Variants in MCC observed in about 807,000 individuals in gnomAD.
The protein encoded by MCC is MCC regulator of Wnt signaling pathway, also known as colorectal mutant cancer protein.
Under a neutral mutation model 116.2 loss-of-function variants are expected in MCC, and 90 were observed. The observed-to-expected ratio is 0.77, with a 90% CI of 0.65 to 0.92. The LOEUF is 0.92. MCC is among the 40% of genes least tolerant of loss of function. MCC has a pLI of 0.00. For missense variants in MCC, 1,516 were observed against 1,312.2 expected, an observed-to-expected ratio of 1.16 and a Z score of -2.40; for synonymous variants, 578 against 510.5, an observed-to-expected ratio of 1.13 and a Z score of -1.78.
intron 17 of MCC, among the ~76,000 whole-genome samples, chr5:113,037,510 T>C (rs1204395332): frequency 1.3e-5 from 2 of 152,076 alleles, no homozygotes; most frequent in African/African-American, 4.8e-5. Context: ...CTGGGCAACA[T>C]GGTGAAATCC....
At chr5:113,247,678 C>G (rs1764628040) in intron 3 of MCC, among the ~76,000 whole-genome samples, 1 of 151,982 alleles carries the variant, frequency 6.6e-6, no homozygotes, top group Admixed American at 6.5e-5. Context: ...GGGGACCGGT[C>G]CACAGAGGGA....
Position 113,151,342 on chromosome 5 carries a change from C to T in MCC, c.708G>A (p.Arg236=), listed in dbSNP as rs1759856649. The change falls in exon 4 of 19, where the codon CGG becomes CGA. Residue 236 remains arginine, a synonymous_variant. Transcript: ENST00000408903. ...NKRLQQTERE[R]DLLEKKLAKA... is the part of the protein sequence containing the mutation. ...TGGCCAATTTCTTTTCCAGAAGGTC[C>T]CGTTCCCTCTCTGTTTGCTGGAGAC... The T allele has an allele frequency of 6.2e-7, 1 of 1,613,610 alleles. No individual in the cohort carries two copies. Among genetic ancestry groups the T allele is most frequent in the African/African-American group, 1.3e-5 (1 of 74,890 alleles).
chr5:113,165,259 C>G (rs1331971996), intron 3 of MCC, among the ~76,000 whole-genome samples: 1 of 152,200 alleles, frequency 6.6e-6, no homozygotes. Flanking sequence ...TCAAAAGCAG[C>G]CTGTCCTCCT....
At position 113,434,729 on chromosome 5, in the gene MCC, A is replaced by G. The variant is rs1770794828; in HGVS notation, c.171-49517T>C. ...TGCGGTCGATGATCTTGATCGCCAC[A>G]TTGAACTTCAGGCGCTCAGAGTAAG... On this transcript the variant is annotated intron_variant, in intron 1 of 18. Coordinates refer to ENST00000408903, the MANE Select transcript of MCC (RefSeq NM_001085377.2). The surrounding 1 kb of genome is among the most constrained non-coding windows in gnomAD (Gnocchi z 4.2). 6.2e-7 allele frequency: 1 copy of G among 1,614,114 alleles called. No homozygotes were observed. Among genetic ancestry groups the G allele is most frequent in the Non-Finnish European group, 8.5e-7 (1 of 1,179,984 alleles).
chr5:113,175,853 G>C (rs899731264), intron 3 of MCC, among the ~76,000 whole-genome samples: 2 of 151,758 alleles, frequency 1.3e-5, no homozygotes, highest in African/African-American at 2.4e-5. Context: ...AATGAGTCTG[G>C]AGACAAATTT....
At chr5:113,033,878 C>T (rs1231780268) in intron 17 of MCC, among the ~76,000 whole-genome samples, 1 of 152,108 alleles carries the variant, frequency 6.6e-6, no homozygotes, top group Non-Finnish European at 1.5e-5. Context: ...ATGACTCTAA[C>T]CGCAGAGCCA....
At chr5:113,294,314 T>C (rs772433571) in intron 3 of MCC, 15 of 1,613,440 alleles carry the variant, frequency 9.3e-6, no homozygotes, top group Admixed American at 6.7e-5. Flanking sequence ...GCTCCCGACC[T>C]CAGCTGTTTC....
chr5:113,436,925 C>G (rs1449310656), intron 1 of MCC: 1 of 152,172 alleles, frequency 6.6e-6, no homozygotes, highest in Non-Finnish European at 1.5e-5. Flanking sequence ...CCTTTTCTGA[C>G]TGAACCAATG....
At chr5:113,470,966 T>C (rs1286981133) in intron 1 of MCC, among the ~76,000 whole-genome samples, 2 of 152,248 alleles carry the variant, frequency 1.3e-5, no homozygotes, top group African/African-American at 4.8e-5. Flanking sequence ...TTCCAGTTGA[T>C]TGCATCGGCT....
At chr5:113,132,443 TACACACACACAC>T (rs140363649) in intron 5 of MCC, among the ~76,000 whole-genome samples, 15 of 36,584 alleles carry the variant, frequency 4.1e-4, no homozygotes, top group African/African-American at 5.7e-4. Context: ...TATATATATA[TACACACACACAC>T]ACACACACAC....
At chr5:113,102,347 A>G (rs76506912) in intron 7 of MCC, among the ~76,000 whole-genome samples, 4,513 of 152,358 alleles carry the variant, frequency 0.03, 121 homozygotes, top group East Asian at 0.082. Context: ...ATGAGGTTGT[A>G]AACTGCATAC....
intron 5 of MCC, among the ~76,000 whole-genome samples, chr5:113,127,817 C>A (rs1432141684): frequency 2.0e-5 from 3 of 152,118 alleles, no homozygotes; most frequent in Non-Finnish European, 4.4e-5. Context: ...TTGATAGTTT[C>A]TTTTGCTATG....
intron 1 of MCC, among the ~76,000 whole-genome samples, chr5:113,473,688 G>C (rs1020147979): frequency 1.1e-4 from 17 of 152,104 alleles, no homozygotes; most frequent in Admixed American, 3.3e-4. Context: ...TCCTAACCAA[G>C]AATTCAATGC....
chr5:113,121,424 C>A (rs907607667), intron 6 of MCC, among the ~76,000 whole-genome samples: 1 of 152,184 alleles, frequency 6.6e-6, no homozygotes, highest in Non-Finnish European at 1.5e-5. Flanking sequence ...CCCTCTCACA[C>A]CTCTGTGTCC....
chr5:113,100,466 T>TTTTC (rs1756331284), intron 8 of MCC, among the ~76,000 whole-genome samples: 1 of 123,074 alleles, frequency 8.1e-6, no homozygotes, highest in African/African-American at 3.7e-5. Context: ...ATTTTTCCCT[T>TTTTC]TTTTTTTTTT....
At chr5:113,321,765 G>A (rs1767427769) in intron 3 of MCC, among the ~76,000 whole-genome samples, 1 of 152,202 alleles carries the variant, frequency 6.6e-6, no homozygotes, top group African/African-American at 2.4e-5. Context: ...AAATCCCAGA[G>A]AGCTGGTTAA....
chr5:113,348,786 GATAA>G (rs766954563), intron 2 of MCC, among the ~76,000 whole-genome samples: 52 of 151,812 alleles, frequency 3.4e-4, no homozygotes, highest in Middle Eastern at 3.4e-3. Context: ...TTTTTGAAAA[GATAA>G]ATAAAATTGA....
chr5:113,102,667 T>C (rs1394746366), intron 7 of MCC, among the ~76,000 whole-genome samples: 1 of 152,160 alleles, frequency 6.6e-6, no homozygotes, highest in African/African-American at 2.4e-5. Context: ...GAAACATGCA[T>C]ATTAGGGAAA....
chr5:113,038,214 G>A (rs929545929), intron 17 of MCC, among the ~76,000 whole-genome samples: 3 of 152,202 alleles, frequency 2.0e-5, no homozygotes, highest in Non-Finnish European at 4.4e-5. Context: ...AAACAGAATT[G>A]TATTGGATGT....
Sources: gnomAD v4.1 joint callset for allele counts (sites outside exome capture counted in the v4.1 genomes callset) on GRCh38, gnomAD v4.1.1 for gene constraint, Gnocchi (gnomAD v3.1) non-coding constraint, MANE v1.5 for transcripts, NCBI Gene and HGNC (gene_info 2026-07-23, HGNC 2026-07-21) for gene names.